ABHD4: variants seen among roughly 807,000 people sequenced by gnomAD.
ABHD4 encodes (Lyso)-N-acylphosphatidylethanolamine lipase.
Under a neutral mutation model 42.3 loss-of-function variants are expected in ABHD4, and 35 were observed. The observed-to-expected ratio is 0.83, with a 90% CI of 0.63 to 1.10. ABHD4 has a LOEUF of 1.10. ABHD4 is among the 50% of genes least tolerant of loss of function. The probability of loss-of-function intolerance (pLI) is 0.00; values close to 1 mark genes in which losing one functional copy is unlikely to be tolerated. For synonymous variants in ABHD4, 169 were observed against 170.6 expected (o/e 0.99, Z 0.07); for missense variants, 389 against 454.8 (o/e 0.86, Z 1.32).
At chr14:22,609,389 G>A (rs1028171410) in intron 5 of ABHD4, among the ~76,000 whole-genome samples, 1 of 152,216 alleles carries the variant, frequency 6.6e-6, no homozygotes, top group Non-Finnish European at 1.5e-5. Context: ...GTGAGCTCCA[G>A]GAGGGACAGC....
At chr14:22,604,129 G>C (rs369039123) in intron 4 of ABHD4, 50 bp downstream of exon 4, 95 of 1,588,598 alleles carry the variant, frequency 6.0e-5, no homozygotes, top group Non-Finnish European at 7.9e-5. Flanking sequence ...CGTTCTAGAA[G>C]GCCCACAGTG....
chr14:22,606,380 C>A, intron 4 of ABHD4, 42 bp from the exon 5 acceptor site: 2 of 1,392,124 alleles, frequency 1.4e-6, no homozygotes, highest in Non-Finnish European at 2.0e-6. Context: ...CCCTGCCCCA[C>A]CTCCCAAATT....
intron 1 of ABHD4, chr14:22,600,198 G>C (rs955525716): frequency 1.3e-5 from 6 of 455,824 alleles, no homozygotes; most frequent in African/African-American, 1.2e-4. Context: ...TTGCTGGTAA[G>C]TGACAGTGCT....
chr14:22,598,412 T>G (rs1246379567), intron 1 of ABHD4, 83 bp downstream of exon 1: 2 of 1,545,484 alleles, frequency 1.3e-6, no homozygotes, highest in East Asian at 4.9e-5. Flanking sequence ...GAGGAACAGT[T>G]GTAGACACCT....
At position 22,606,505 on chromosome 14, in the gene ABHD4, A is replaced by G; in HGVS notation, c.724A>G (p.Ile242Val). 1 of 1,613,366 alleles carries G rather than the reference A, an allele frequency of 6.2e-7. No individual in the cohort carries two copies. The highest frequency in any genetic ancestry group is 1.1e-5 in the South Asian group (1 of 90,812). Residue 242 changes from isoleucine to valine, a missense_variant, in exon 5 of 7, where the codon ATT becomes GTT. By Grantham distance (29) the Ile-to-Val change is conservative (BLOSUM62 3). Around this residue, in one of 3 missense-constraint regions of ABHD4, gnomAD observed 249 missense variants for 254.4 expected, o/e 0.98. Transcript: ENST00000428304. ...TGAAGATGATACCATATCAGAGTAT[A>G]TTTACCACTGCAACGCACAGAATCC... Reference protein sequence around the residue: ...FFEDDTISEYIYHCNAQNPSG... With the variant: ...FFEDDTISEYVYHCNAQNPSG...
intron 2 of ABHD4, among the ~76,000 whole-genome samples, chr14:22,602,480 TC>T (rs2139264093): frequency 6.6e-6 from 1 of 152,234 alleles, no homozygotes; most frequent in South Asian, 2.1e-4. Context: ...AGGCAGCTCT[TC>T]CCGGGAGACT....
Position 22,609,991 on chromosome 14 carries a change from A to T in ABHD4, c.939+81A>T, listed in dbSNP as rs1042245404. On this transcript the variant is annotated intron_variant, in intron 6 of 6. Coordinates refer to ENST00000428304, the MANE Select transcript of ABHD4 (RefSeq NM_022060.3). ...GCCTTGGGGTAGAGAAGGGTGATCA[A>T]GGAGAAAGAGGAATGGACAGACTGA... 5 of 1,351,488 alleles carry T rather than the reference A, an allele frequency of 3.7e-6. No individual in the cohort carries two copies. The Admixed American group carries it at 1.0e-4, about 27-fold the overall frequency. The allele number at this position is 1,351,488 out of a possible 1,614,324, so 83.7% of individuals were successfully genotyped here. A position where few individuals can be genotyped will look rare whatever the true frequency, so the allele number is the denominator to read the frequency against.
At chr14:22,605,762 C>CA (rs1461086161) in intron 4 of ABHD4, 11 of 1,265,124 alleles carry the variant, frequency 8.7e-6, no homozygotes, top group Non-Finnish European at 1.0e-5. Flanking sequence ...CCCCTTCTTA[C>CA]CTCCCTCTTG....
rs1372039713 is a variant in ABHD4 at position 22,612,570 on chromosome 14, C to G, written c.*1622C>G. On this transcript the variant is annotated 3_prime_UTR_variant, in exon 7 of 7. Transcript: ENST00000428304. Reference sequence around the variant, plus strand: ...CAACCACTCATGACAAATGAGGAGTCGAGATCCACAGTGTGGATGGGGCAA... The same window carrying G: ...CAACCACTCATGACAAATGAGGAGTGGAGATCCACAGTGTGGATGGGGCAA... 2.0e-5 allele frequency: 3 copies of G among 152,256 alleles called. No homozygotes were observed. The highest frequency in any genetic ancestry group is 4.4e-5 in the Non-Finnish European group (3 of 68,084). 9.4% of individuals were successfully genotyped at this position (152,256 alleles called of 1,614,324 possible). A position where few individuals can be genotyped will look rare whatever the true frequency, so the allele number is the denominator to read the frequency against.
intron 2 of ABHD4, 52 bp downstream of exon 2, chr14:22,601,807 T>G: frequency 6.6e-7 from 1 of 1,517,092 alleles, no homozygotes; most frequent in Non-Finnish European, 9.2e-7. Context: ...CCAAGAAGGA[T>G]TCAGGATCTT....
Position 22,603,456 on chromosome 14 carries a change from C to T in ABHD4, c.179C>T (p.Thr60Ile), listed in dbSNP as rs761390934. 5.0e-6 allele frequency: 8 copies of T among 1,614,170 alleles called. No homozygotes were observed. The highest frequency in any genetic ancestry group is 6.8e-6 in the Non-Finnish European group (8 of 1,180,028). Residue 60 changes from threonine to isoleucine, a missense_variant, in exon 3 of 7, where the codon ACT becomes ATT. Thr to Ile is a moderately conservative substitution (Grantham distance 89). Coordinates refer to ENST00000428304, the MANE Select transcript of ABHD4 (RefSeq NM_022060.3). The stretch of plus-strand genomic sequence containing the variant: ...AACCAGAATAAGATCTGGACGGTGA[C>T]TGTGAGCCCCGAGCAAAACGACCGC... Reference protein sequence around the residue: ...LPNQNKIWTVTVSPEQNDRTP... With the variant: ...LPNQNKIWTVIVSPEQNDRTP...
intron 1 of ABHD4, chr14:22,600,141 G>A (rs1404993998): frequency 2.2e-6 from 1 of 455,620 alleles, no homozygotes; most frequent in Non-Finnish European, 4.4e-6. Flanking sequence ...TTTTAAAGAT[G>A]AGGAAGCTCT....
chr14:22,601,468 C>T (rs937104728), intron 1 of ABHD4, among the ~76,000 whole-genome samples, 199 bp from the exon 2 acceptor site: 1 of 152,144 alleles, frequency 6.6e-6, no homozygotes, highest in African/African-American at 2.4e-5. Flanking sequence ...AAACAAGGGG[C>T]ATGTTGTTAA....
At position 22,609,792 on chromosome 14, in the gene ABHD4, T is replaced by C; in HGVS notation, c.821T>C (p.Ile274Thr). Residue 274 changes from isoleucine (I) to threonine (T), a missense_variant, in exon 6 of 7, where the codon ATT becomes ACT. Around this residue, in one of 3 missense-constraint regions of ABHD4, gnomAD observed 249 missense variants for 254.4 expected, o/e 0.98. Coordinates refer to ENST00000428304, the MANE Select transcript of ABHD4 (RefSeq NM_022060.3). ...GWARRPMLER[I>T]HLIRKDVPIT... ...GCCCGGCGCCCTATGCTGGAGCGAA[T>C]TCACTTGATTCGAAAAGATGTGCCT... 6.2e-7 allele frequency: 1 copy of C among 1,614,208 alleles called. No homozygotes were observed. The highest frequency in any genetic ancestry group is 8.5e-7 in the Non-Finnish European group (1 of 1,180,046).
At chr14:22,601,562 A>G in intron 1 of ABHD4, 105 bp from the exon 2 acceptor site, 1 of 1,081,746 alleles carries the variant, frequency 9.2e-7, no homozygotes, top group Non-Finnish European at 1.4e-6. Flanking sequence ...CAAGGCTAGG[A>G]AACACCCTGC....
In ABHD4 at chr14:22,606,520, G is replaced by T; in HGVS notation, c.739G>T (p.Ala247Ser). The change falls in exon 5 of 7, where the codon GCA (alanine) becomes TCA (serine). Residue 247 changes from alanine (A) to serine (S), a missense_variant. Physicochemically the swap from Ala to Ser is moderately conservative, Grantham distance 99 (BLOSUM62 1). Coordinates refer to ENST00000428304, the MANE Select transcript of ABHD4 (RefSeq NM_022060.3). Reference sequence around the variant, plus strand: ...ATCAGAGTATATTTACCACTGCAACGCACAGAATCCCAGGTGAGGGCCGCT... The same window carrying T: ...ATCAGAGTATATTTACCACTGCAACTCACAGAATCCCAGGTGAGGGCCGCT... ...TISEYIYHCNAQNPSGETAFK... is the reference protein window; with the variant it reads ...TISEYIYHCNSQNPSGETAFK... The T allele has an allele frequency of 6.2e-7, 1 of 1,611,908 alleles. No individual in the cohort carries two copies. Among genetic ancestry groups the T allele is most frequent in the Non-Finnish European group, 8.5e-7 (1 of 1,178,840 alleles).
chr14:22,600,397 G>T (rs758057696), intron 1 of ABHD4, among the ~76,000 whole-genome samples: 1 of 152,176 alleles, frequency 6.6e-6, no homozygotes, highest in South Asian at 2.1e-4. Context: ...TTTCTAACTT[G>T]TATGACCTCT....
rs2037389200 is a variant in ABHD4 at position 22,609,761 on chromosome 14, G to A, written c.790G>A (p.Gly264Ser). The change falls in exon 6 of 7, where the codon GGC becomes AGC. Residue 264 changes from glycine (G) to serine (S), a missense_variant. Transcript: ENST00000428304. ...TAFKAMMESFGWARRPMLERI... is the reference protein window; with the variant it reads ...TAFKAMMESFSWARRPMLERI... ...ATTCAAAGCCATGATGGAGTCCTTT[G>A]GCTGGGCCCGGCGCCCTATGCTGGA... is the stretch of plus-strand genomic sequence containing the variant. 6.2e-7 allele frequency: 1 copy of A among 1,614,144 alleles called. No homozygotes were observed. Among genetic ancestry groups the A allele is most frequent in the East Asian group, 2.2e-5 (1 of 44,870 alleles).
chr14:22,605,928 G>C (rs2037344289), intron 4 of ABHD4: 1 of 922,212 alleles, frequency 1.1e-6, no homozygotes, highest in African/African-American at 1.7e-5. Flanking sequence ...CTGAGTCTGA[G>C]ACACGATTGT....
Sources: gnomAD v4.1 joint callset for allele counts (sites outside exome capture counted in the v4.1 genomes callset) on GRCh38, gnomAD v4.1.1 for gene constraint, gnomAD v4.1.1 regional missense constraint, MANE v1.5 for transcripts, NCBI Gene and HGNC (gene_info 2026-07-23, HGNC 2026-07-21) for gene names.